HORMAD2: variants seen among roughly 807,000 people sequenced by gnomAD.
HORMAD2 encodes HORMA domain containing 2.
In HORMAD2, 45 loss-of-function variants were observed where a neutral mutation model predicts 38.8. That is an observed-to-expected ratio of 1.16 (90% CI 0.91 to 1.49). The LOEUF is 1.49. HORMAD2 is among the 40% of genes most tolerant of loss of function. The pLI is 0.00. For missense variants in HORMAD2, 338 were observed against 367.0 expected, an observed-to-expected ratio of 0.92 and a Z score of 0.65; for synonymous variants, 126 against 122.8, an observed-to-expected ratio of 1.03 and a Z score of -0.17.
At chr22:30,093,539 C>T (rs892962426) in intron 1 of HORMAD2, among the ~76,000 whole-genome samples, 1 of 152,076 alleles carries the variant, frequency 6.6e-6, no homozygotes, top group African/African-American at 2.4e-5. Flanking sequence ...TGGAAAAATT[C>T]ATCCAGAGAC....
chr22:30,110,187 A>G (rs577340130), intron 5 of HORMAD2, among the ~76,000 whole-genome samples: 1 of 152,314 alleles, frequency 6.6e-6, no homozygotes, highest in South Asian at 2.1e-4. Context: ...TGAACTCATT[A>G]CACATTATAT....
intron 10 of HORMAD2, among the ~76,000 whole-genome samples, chr22:30,161,868 G>A (rs1925460071): frequency 6.6e-6 from 1 of 152,008 alleles, no homozygotes; most frequent in Non-Finnish European, 1.5e-5. Context: ...TCAAGTAATA[G>A]AAAACACAAT....
chr22:30,105,674 G>A (rs550863806), intron 5 of HORMAD2, among the ~76,000 whole-genome samples: 3 of 152,330 alleles, frequency 2.0e-5, no homozygotes, highest in African/African-American at 7.2e-5. Context: ...GAAAGAGCTT[G>A]TAACCATGGC....
intron 3 of HORMAD2, among the ~76,000 whole-genome samples, chr22:30,101,146 C>A (rs1389566970): frequency 1.3e-5 from 2 of 152,150 alleles, no homozygotes; most frequent in African/African-American, 4.8e-5. Flanking sequence ...ATGTTTATTG[C>A]AGCACTATTT....
intron 7 of HORMAD2, among the ~76,000 whole-genome samples, 175 bp from the exon 8 acceptor site, chr22:30,118,805 A>G (rs915558903): frequency 1.3e-5 from 2 of 152,202 alleles, no homozygotes; most frequent in African/African-American, 4.8e-5. Context: ...GAGAAAAACT[A>G]GGTTGTCTTT....
intron 10 of HORMAD2, among the ~76,000 whole-genome samples, chr22:30,139,284 A>ATATATATATT (rs1555950247): frequency 7.3e-6 from 1 of 137,630 alleles, no homozygotes; most frequent in African/African-American, 2.6e-5. Context: ...ATATATATAT[A>ATATATATATT]TATCCTCTGT....
chr22:30,203,048 A>G, the HORMAD2 span, among the ~76,000 whole-genome samples: 1 of 152,294 alleles, frequency 6.6e-6, no homozygotes, highest in East Asian at 1.9e-4. Context: ...GTCTTTCAGA[A>G]AAAGGAACCC....
chr22:30,100,375 T>G (rs1920934374), intron 3 of HORMAD2, among the ~76,000 whole-genome samples: 1 of 152,200 alleles, frequency 6.6e-6, no homozygotes, highest in South Asian at 2.1e-4. Flanking sequence ...GAAAACTGGC[T>G]AGCCATACGC....
At chr22:30,119,080 TA>T in intron 8 of HORMAD2, 33 bp downstream of exon 8, 1 of 1,421,206 alleles carries the variant, frequency 7.0e-7, no homozygotes, top group Non-Finnish European at 9.7e-7. Flanking sequence ...ACATGAGAAA[TA>T]AATAGGATTG....
At chr22:30,190,147 T>G in the HORMAD2 span, among the ~76,000 whole-genome samples, 3 of 152,154 alleles carry the variant, frequency 2.0e-5, no homozygotes, top group Non-Finnish European at 4.4e-5. Context: ...TAATCATTCT[T>G]TACAAGTGAG....
intron 10 of HORMAD2, among the ~76,000 whole-genome samples, chr22:30,143,497 C>G (rs1924220299): frequency 6.6e-6 from 1 of 152,044 alleles, no homozygotes. Flanking sequence ...TGTTGTCTTA[C>G]TACCTCACTG....
intron 10 of HORMAD2, among the ~76,000 whole-genome samples, chr22:30,170,942 C>T (rs1926072275): frequency 6.6e-6 from 1 of 152,204 alleles, no homozygotes; most frequent in Admixed American, 6.5e-5. Context: ...TCCTCATCTT[C>T]CTTGCCCTCT....
At chr22:30,138,917 A>G (rs1923856763) in intron 10 of HORMAD2, among the ~76,000 whole-genome samples, 2 of 152,192 alleles carry the variant, frequency 1.3e-5, no homozygotes, top group Admixed American at 6.5e-5. Context: ...CATTTAAATC[A>G]GTAAACTTTA....
intron 10 of HORMAD2, among the ~76,000 whole-genome samples, chr22:30,147,667 G>C (rs1286170187): frequency 6.6e-6 from 1 of 151,858 alleles, no homozygotes; most frequent in Admixed American, 6.6e-5. Flanking sequence ...AAATGAAAAG[G>C]CAAGCCAAAA....
chr22:30,133,757 G>A (rs1264659639), intron 10 of HORMAD2, among the ~76,000 whole-genome samples: 1 of 151,612 alleles, frequency 6.6e-6, no homozygotes, highest in Non-Finnish European at 1.5e-5. Flanking sequence ...ATGTCGTATT[G>A]GGTATTATAA....
chr22:30,206,682 A>G, the HORMAD2 span, among the ~76,000 whole-genome samples: 1 of 151,020 alleles, frequency 6.6e-6, no homozygotes, highest in Non-Finnish European at 1.5e-5. Flanking sequence ...AAGTCTCACT[A>G]TGTTGCCCAG....
At position 30,093,936 on chromosome 22, in the gene HORMAD2, C is replaced by G. The variant is rs939646219; in HGVS notation, c.-17C>G. The G allele has an allele frequency of 1.3e-6, 2 of 1,580,156 alleles. No individual in the cohort carries two copies. The highest frequency in any genetic ancestry group is 1.1e-5 in the South Asian group (1 of 87,660). ...AATAGGTTGGACTTGTTGAAATAAT[C>G]CTGATACATTCCTACAATGGCCACT... On this transcript the variant is annotated 5_prime_UTR_variant, in exon 2 of 11. In the 5' UTR this introduces an upstream ATG that the reference lacks. Transcript: ENST00000336726.
intron 1 of HORMAD2, chr22:30,081,293 T>C (rs2146044950): frequency 6.6e-6 from 1 of 152,344 alleles, no homozygotes; most frequent in Admixed American, 6.5e-5. Flanking sequence ...TAATCCTGCA[T>C]GTTGTTGCCT....
At chr22:30,189,144 G>A in the HORMAD2 span, among the ~76,000 whole-genome samples, 2 of 151,702 alleles carry the variant, frequency 1.3e-5, no homozygotes, top group African/African-American at 4.8e-5. Context: ...CGAAAACTAA[G>A]GTCAAATCTC....
Sources: allele counts gnomAD v4.1 joint callset (sites outside exome capture counted in the v4.1 genomes callset), GRCh38; gene constraint gnomAD v4.1.1; transcripts MANE v1.5; gene names NCBI Gene and HGNC (gene_info 2026-07-23, HGNC 2026-07-21).